The following PCDHGA3 variants were observed in gnomAD, a reference collection of about 807,000 sequenced individuals.
The protein encoded by PCDHGA3 is protocadherin gamma-A3.
A neutral mutation model predicts 58.5 loss-of-function variants in PCDHGA3; 40 were observed. The ratio of observed to expected loss-of-function variants is 0.68; its 90% CI spans 0.53 to 0.89. PCDHGA3 has a LOEUF of 0.89. PCDHGA3 is among the 40% of genes least tolerant of loss of function. The probability of loss-of-function intolerance (pLI) is 0.00; values close to 1 mark genes in which losing one functional copy is unlikely to be tolerated. For missense variants in PCDHGA3, 1,223 were observed against 1,195.9 expected, an observed-to-expected ratio of 1.02 and a Z score of -0.33; for synonymous variants, 530 against 525.7, an observed-to-expected ratio of 1.01 and a Z score of -0.11.
intron 1 of PCDHGA3, among the ~76,000 whole-genome samples, chr5:141,470,854 A>G (rs553276517): frequency 6.6e-6 from 1 of 152,028 alleles, no homozygotes; most frequent in Admixed American, 6.6e-5. Context: ...TGCTCAGATA[A>G]GTTTTTTGTT....
intron 1 of PCDHGA3, among the ~76,000 whole-genome samples, chr5:141,449,081 C>T (rs2098627623): frequency 6.6e-6 from 1 of 152,180 alleles, no homozygotes; most frequent in South Asian, 2.1e-4. Flanking sequence ...CCTGTACCTA[C>T]ATCAGTTTTT....
chr5:141,418,153 G>A (rs1561771797), intron 1 of PCDHGA3: 2 of 1,614,086 alleles, frequency 1.2e-6, no homozygotes, highest in East Asian at 2.2e-5. Context: ...TATGCAAAGA[G>A]AGAAGAAGAT....
chr5:141,365,142 A>T (rs1168867612), intron 1 of PCDHGA3: 2 of 1,613,832 alleles, frequency 1.2e-6, no homozygotes, highest in Non-Finnish European at 1.7e-6. Flanking sequence ...GATCCAGATG[A>T]GGGAATAAAC....
chr5:141,510,307 G>C (rs1250172295), intron 3 of PCDHGA3, among the ~76,000 whole-genome samples: 1 of 151,446 alleles, frequency 6.6e-6, no homozygotes, highest in African/African-American at 2.4e-5. Context: ...TTTTGAAATG[G>C]AGGCTTGGAA....
At chr5:141,378,325 C>G (rs1344220335) in intron 1 of PCDHGA3, 1 of 152,200 alleles carries the variant, frequency 6.6e-6, no homozygotes, top group Non-Finnish European at 1.5e-5. Context: ...GAGTTCGAGA[C>G]CAGCCTGACC....
chr5:141,392,713 G>A, intron 1 of PCDHGA3: 3 of 1,363,444 alleles, frequency 2.2e-6, no homozygotes, highest in Non-Finnish European at 2.9e-6. Context: ...AGGCACTCCA[G>A]GTTTCCGGAG....
intron 3 of PCDHGA3, among the ~76,000 whole-genome samples, chr5:141,510,624 A>C (rs2099881973): frequency 6.6e-6 from 1 of 152,164 alleles, no homozygotes; most frequent in African/African-American, 2.4e-5. Flanking sequence ...TAAAACCAGA[A>C]GAGGTGGTTA....
In PCDHGA3 at chr5:141,345,557, C is replaced by T. The variant is rs555177517; in HGVS notation, c.1524C>T (p.Asn508=). Residue 508 remains asparagine, a synonymous_variant, in exon 1 of 4, where the codon AAC becomes AAT. Coordinates refer to ENST00000253812, the MANE Select transcript of PCDHGA3 (RefSeq NM_018916.4). ...GAPLSSFVSI[N]SNTGVLYALR... is the part of the protein sequence containing the mutation. ...CCCTGTCCTCCTTCGTCTCTATCAA[C>T]TCCAACACTGGCGTCCTATACGCGC... is the stretch of plus-strand genomic sequence containing the variant. 57 of 1,614,234 alleles carry T rather than the reference C, an allele frequency of 3.5e-5. No homozygotes were observed. In the East Asian group the frequency reaches 9.1e-4, roughly 26 times the overall value.
chr5:141,364,302 C>A (rs1763258341), intron 1 of PCDHGA3: 1 of 1,521,598 alleles, frequency 6.6e-7, no homozygotes, highest in African/African-American at 1.4e-5. Context: ...TGAACCAGAA[C>A]TAAGAGAAAA....
chr5:141,502,866 C>CTTTT (rs549047197), intron 2 of PCDHGA3, among the ~76,000 whole-genome samples: 3 of 128,028 alleles, frequency 2.3e-5, no homozygotes, highest in African/African-American at 6.2e-5. Flanking sequence ...GACTCTCTGT[C>CTTTT]TTTTTTTTTT....
intron 1 of PCDHGA3, chr5:141,357,409 G>C: frequency 6.2e-7 from 1 of 1,614,250 alleles, no homozygotes; most frequent in Non-Finnish European, 8.5e-7. Flanking sequence ...AGGTGTGCCT[G>C]CCTCGCACTT....
intron 1 of PCDHGA3, chr5:141,418,256 T>C: frequency 1.2e-6 from 2 of 1,614,046 alleles, no homozygotes; most frequent in Non-Finnish European, 1.7e-6. Context: ...CGCCCCTCAA[T>C]TCCGGAAAGA....
intron 1 of PCDHGA3, among the ~76,000 whole-genome samples, chr5:141,449,030 G>C (rs2098623784): frequency 6.6e-6 from 1 of 152,012 alleles, no homozygotes; most frequent in Non-Finnish European, 1.5e-5. Context: ...GCATTCCTTT[G>C]GATTATTAAC....
At chr5:141,475,979 C>A in intron 1 of PCDHGA3, 1 of 1,020,182 alleles carries the variant, frequency 9.8e-7, no homozygotes, top group Non-Finnish European at 1.4e-6. Flanking sequence ...GACTGAACAG[C>A]CGGCGAGCAA....
At chr5:141,347,041 C>CTGTT (rs1757850282) in intron 1 of PCDHGA3, among the ~76,000 whole-genome samples, 1 of 150,154 alleles carries the variant, frequency 6.7e-6, no homozygotes, top group Admixed American at 6.6e-5. Context: ...CTTCCTTCCT[C>CTGTT]TCTCTCTTTC....
At chr5:141,361,473 C>T (rs374176708) in intron 1 of PCDHGA3, 2 of 1,614,024 alleles carry the variant, frequency 1.2e-6, no homozygotes, top group Admixed American at 1.7e-5. Flanking sequence ...CCGACGTCAA[C>T]GATAATGCCC....
chr5:141,464,093 C>T (rs1029458289), intron 1 of PCDHGA3, among the ~76,000 whole-genome samples: 1 of 151,888 alleles, frequency 6.6e-6, no homozygotes, highest in Non-Finnish European at 1.5e-5. Context: ...GGTGAAACTC[C>T]GTCTCTACTA....
At chr5:141,349,551 A>G (rs1286734039) in intron 1 of PCDHGA3, among the ~76,000 whole-genome samples, 2 of 152,224 alleles carry the variant, frequency 1.3e-5, no homozygotes, top group Non-Finnish European at 2.9e-5. Flanking sequence ...AAGAAGAGAA[A>G]TAACATAATA....
chr5:141,399,030 G>C, intron 1 of PCDHGA3: 1 of 1,613,824 alleles, frequency 6.2e-7, no homozygotes, highest in Non-Finnish European at 8.5e-7. Flanking sequence ...CCACTCAAAA[G>C]AAACTGGATT....
Sources: gnomAD v4.1 joint callset for allele counts (sites outside exome capture counted in the v4.1 genomes callset) on GRCh38, gnomAD v4.1.1 for gene constraint, MANE v1.5 for transcripts, NCBI Gene and HGNC (gene_info 2026-07-23, HGNC 2026-07-21) for gene names.